PIK3C2G: variants seen among roughly 807,000 people sequenced by gnomAD.
PIK3C2G encodes the protein phosphatidylinositol 3-kinase C2 domain-containing subunit gamma.
A neutral mutation model predicts 181.1 loss-of-function variants in PIK3C2G; 168 were observed. The ratio of observed to expected loss-of-function variants is 0.93; its 90% CI spans 0.82 to 1.05. The LOEUF is 1.05. Among genes scored for constraint, PIK3C2G ranks in the 50% least tolerant of loss-of-function variants. The probability of loss-of-function intolerance (pLI) is 0.00; values close to 1 mark genes in which losing one functional copy is unlikely to be tolerated. For synonymous variants in PIK3C2G, 573 were observed against 592.2 expected (o/e 0.97, Z 0.47); for missense variants, 1,869 against 1,732.8 (o/e 1.08, Z -1.40).
chr12:18,460,550 G>A (rs1163698368), intron 18 of PIK3C2G, among the ~76,000 whole-genome samples: 1 of 149,558 alleles, frequency 6.7e-6, no homozygotes, highest in Non-Finnish European at 1.5e-5. Context: ...CTCCAGCCTG[G>A]GTGACAGAGC....
chr12:18,680,369 T>A, the PIK3C2G span, among the ~76,000 whole-genome samples: 1 of 151,934 alleles, frequency 6.6e-6, no homozygotes, highest in Admixed American at 6.6e-5. Context: ...CTCAAGACAC[T>A]CCCTTATATC....
In PIK3C2G at chr12:18,546,327, T is replaced by C. The variant is rs772773741; in HGVS notation, c.3485T>C (p.Leu1162Pro). ...CTTGTTCTTGTTGTGGTTAAGATGC[T>C]GTATGCAGGACTGCCTGAGCTAAGT... ...QLLLNLLEMM[L>P]YAGLPELSGI... Residue 1162 changes from leucine to proline, a missense_variant, in exon 26 of 33, where the codon CTG becomes CCG. Transcript: ENST00000538779. 1.3e-6 allele frequency: 2 copies of C among 1,554,830 alleles called. No individual in the cohort carries two copies. The highest frequency in any genetic ancestry group is 4.5e-5 in the East Asian group (2 of 43,974).
At chr12:18,668,462 G>A in the PIK3C2G span, among the ~76,000 whole-genome samples, 1 of 152,162 alleles carries the variant, frequency 6.6e-6, no homozygotes, top group Non-Finnish European at 1.5e-5. Context: ...GAGCACCAAG[G>A]TGAGACAAGG....
chr12:18,293,792 A>AATGTGTTG (rs1949815252), intron 4 of PIK3C2G, 109 bp from the exon 5 acceptor site: 1 of 651,800 alleles, frequency 1.5e-6, no homozygotes, highest in African/African-American at 1.8e-5. Context: ...ATGAAGCTAG[A>AATGTGTTG]CAGTTACAAT....
chr12:18,584,349 T>C (rs1946667341), intron 29 of PIK3C2G, among the ~76,000 whole-genome samples: 3 of 152,012 alleles, frequency 2.0e-5, no homozygotes. Flanking sequence ...AAAACCCTAA[T>C]AGATCTGATA....
chr12:18,429,385 G>A (rs959297811), intron 18 of PIK3C2G, among the ~76,000 whole-genome samples: 1 of 152,050 alleles, frequency 6.6e-6, no homozygotes, highest in Non-Finnish European at 1.5e-5. Flanking sequence ...AACTTGTTAC[G>A]GCAGCCACAG....
Position 18,420,817 on chromosome 12 carries a change from G to A in PIK3C2G, c.2316-124G>A, listed in dbSNP as rs564925128. 3.3e-3 allele frequency: 1,854 copies of A among 569,110 alleles called. 3 individuals carry two copies. The highest frequency in any genetic ancestry group is 4.8e-3 in the Non-Finnish European group (1,498 of 313,404). 35.3% of individuals were successfully genotyped at this position (569,110 alleles called of 1,614,324 possible). On this transcript the variant is annotated intron_variant, in intron 16 of 32. Coordinates refer to ENST00000538779, the MANE Select transcript of PIK3C2G (RefSeq NM_001288772.2). ...ATTTGGTGCTAATATTACCTTAATC[G>A]ATTGTGGGATAATTGTTTTACCTTA...
At chr12:18,420,529 G>A (rs927029550) in intron 16 of PIK3C2G, among the ~76,000 whole-genome samples, 1 of 152,106 alleles carries the variant, frequency 6.6e-6, no homozygotes, top group African/African-American at 2.4e-5. Context: ...ATCTGGCTAA[G>A]ACTGGTTAAA....
chr12:18,572,291 TA>T (rs1462334224), intron 29 of PIK3C2G, among the ~76,000 whole-genome samples: 1 of 147,706 alleles, frequency 6.8e-6, no homozygotes, highest in African/African-American at 2.4e-5. Context: ...TATATAAAAA[TA>T]TATATATTTA....
intron 31 of PIK3C2G, among the ~76,000 whole-genome samples, chr12:18,635,980 T>C (rs1205132847): frequency 6.6e-6 from 1 of 152,152 alleles, no homozygotes; most frequent in East Asian, 1.9e-4. Context: ...CTCTAAAAAT[T>C]TCACTGAGAT....
chr12:18,292,196 G>A (rs1397406385), intron 4 of PIK3C2G, among the ~76,000 whole-genome samples: 21 of 57,568 alleles, frequency 3.6e-4, no homozygotes, highest in African/African-American at 1.6e-3. Flanking sequence ...GGCAACAAGA[G>A]CAAAACTCCA....
chr12:18,399,906 C>T, intron 16 of PIK3C2G, 59 bp downstream of exon 16: 1 of 1,028,174 alleles, frequency 9.7e-7, no homozygotes, highest in Non-Finnish European at 1.4e-6. Context: ...TTGAAGAGAA[C>T]TATAGAACCA....
intron 12 of PIK3C2G, among the ~76,000 whole-genome samples, chr12:18,366,552 T>A (rs899141282): frequency 5.3e-5 from 8 of 151,894 alleles, no homozygotes; most frequent in African/African-American, 7.3e-5. Context: ...AAATAAATAA[T>A]TAAAAGTGTA....
chr12:18,349,738 T>A (rs933210375), intron 11 of PIK3C2G, among the ~76,000 whole-genome samples: 1 of 152,218 alleles, frequency 6.6e-6, no homozygotes, highest in Admixed American at 6.5e-5. Flanking sequence ...TATTTCATGA[T>A]GCTCATTATC....
intron 24 of PIK3C2G, among the ~76,000 whole-genome samples, chr12:18,517,271 C>T (rs1942613257): frequency 6.6e-6 from 1 of 152,064 alleles, no homozygotes; most frequent in Non-Finnish European, 1.5e-5. Context: ...TGCTGCCCTG[C>T]CATTGTTTCT....
At chr12:18,338,648 T>A in intron 9 of PIK3C2G, 100 bp downstream of exon 9, 2 of 797,296 alleles carry the variant, frequency 2.5e-6, no homozygotes, top group South Asian at 3.2e-5. Context: ...TTTCCGTGTG[T>A]ATGTTTGTGT....
chr12:18,643,149 C>T (rs1211248425), intron 32 of PIK3C2G, among the ~76,000 whole-genome samples: 1 of 151,956 alleles, frequency 6.6e-6, no homozygotes, highest in Non-Finnish European at 1.5e-5. Context: ...TATAAGAAAA[C>T]AGTAGTAAAT....
the PIK3C2G span, among the ~76,000 whole-genome samples, chr12:18,698,711 A>G: frequency 6.6e-6 from 1 of 152,178 alleles, no homozygotes; most frequent in Non-Finnish European, 1.5e-5. Flanking sequence ...AAGATATACA[A>G]TGTCTAGTAA....
intron 18 of PIK3C2G, among the ~76,000 whole-genome samples, chr12:18,476,769 G>A (rs577471064): frequency 6.6e-6 from 1 of 152,014 alleles, no homozygotes; most frequent in Admixed American, 6.6e-5. Flanking sequence ...TGAAGAAGCA[G>A]GTATTGGGGA....
Sources: gnomAD v4.1 joint callset for allele counts (sites outside exome capture counted in the v4.1 genomes callset) on GRCh38, gnomAD v4.1.1 for gene constraint, MANE v1.5 for transcripts, NCBI Gene and HGNC (gene_info 2026-07-23, HGNC 2026-07-21) for gene names.